Variants in CADM2 observed in about 807,000 individuals in gnomAD.
The protein encoded by CADM2 is immunoglobulin superfamily member 4D.
A neutral mutation model predicts 49.8 loss-of-function variants in CADM2; 12 were observed. The ratio of observed to expected loss-of-function variants is 0.24; its 90% CI spans 0.15 to 0.39. The LOEUF is 0.39. CADM2 is among the 10% of genes least tolerant of loss of function. The probability of loss-of-function intolerance (pLI) is 1.00; values close to 1 mark genes in which losing one functional copy is unlikely to be tolerated. For missense variants in CADM2, 378 were observed against 492.3 expected, an observed-to-expected ratio of 0.77 and a Z score of 2.20; for synonymous variants, 214 against 175.4, an observed-to-expected ratio of 1.22 and a Z score of -1.74.
chr3:85,444,568 A>G lies in CADM2; in HGVS notation c.62-281954A>G, dbSNP rs75700136. ...CACTTCTTCAACTCTTTAAAATAAC[A>G]TTTTGTAAATAGAGCTTTCGTGACC... On this transcript the variant is annotated intron_variant, in intron 1 of 9. Transcript: ENST00000383699. 2.9e-3 allele frequency among the ~76,000 whole-genome samples: 442 copies of G among 152,084 alleles called. 4 individuals carry two copies. The highest frequency in any genetic ancestry group is 0.01 in the African/African-American group (429 of 41,476).
At chr3:85,339,542 CT>C (rs138376083) in intron 1 of CADM2, among the ~76,000 whole-genome samples, 10,270 of 150,634 alleles carry the variant, frequency 0.068, 652 homozygotes, top group African/African-American at 0.16. Context: ...TTTTTTTCTC[CT>C]TTTTTTTCTT....
chr3:85,762,057 A>G lies in CADM2; in HGVS notation c.88+35509A>G, dbSNP rs577941445. Among the ~76,000 whole-genome samples, 21 of 152,260 alleles carry G rather than the reference A, an allele frequency of 1.4e-4. No individual in the cohort carries two copies. In the South Asian group the frequency reaches 2.5e-3, roughly 18 times the overall value. Reference sequence around the variant, plus strand: ...TAAATGAAAGGAGGAAGAATAATTTATTGGGGTTAGAAAGATTTTTCAAAT... The same window carrying G: ...TAAATGAAAGGAGGAAGAATAATTTGTTGGGGTTAGAAAGATTTTTCAAAT... On this transcript the variant is annotated intron_variant, in intron 2 of 9. Transcript: ENST00000383699.
At chr3:85,356,046 T>C (rs2031827853) in intron 1 of CADM2, among the ~76,000 whole-genome samples, 1 of 152,136 alleles carries the variant, frequency 6.6e-6, no homozygotes, top group Non-Finnish European at 1.5e-5. Context: ...AAACGAATAC[T>C]ACTGGGACAT....
chr3:85,526,215 C>A (rs1470635), intron 1 of CADM2, among the ~76,000 whole-genome samples: 1 of 151,846 alleles, frequency 6.6e-6, no homozygotes, highest in Non-Finnish European at 1.5e-5. Context: ...TATTTCCTTA[C>A]AACAAGTGTT....
At chr3:85,096,688 A>G (rs886994367) in intron 1 of CADM2, among the ~76,000 whole-genome samples, 1 of 152,220 alleles carries the variant, frequency 6.6e-6, no homozygotes, top group South Asian at 2.1e-4. Flanking sequence ...ATAGAGGTGA[A>G]GAATTCCCAG....
chr3:85,095,685 T>C (rs771940306), intron 1 of CADM2, among the ~76,000 whole-genome samples: 1 of 152,136 alleles, frequency 6.6e-6, no homozygotes, highest in Non-Finnish European at 1.5e-5. Context: ...GGCCCAAACA[T>C]TTTGTTTGAA....
At chr3:85,949,770 A>G (rs555149377) in intron 7 of CADM2, among the ~76,000 whole-genome samples, 1 of 151,268 alleles carries the variant, frequency 6.6e-6, no homozygotes, top group East Asian at 1.9e-4. Context: ...GCAGTAGTAT[A>G]ATGATAACAC....
chr3:85,743,785 C>A (rs184075699), intron 2 of CADM2, among the ~76,000 whole-genome samples: 1 of 151,832 alleles, frequency 6.6e-6, no homozygotes, highest in African/African-American at 2.4e-5. Flanking sequence ...AAAAGAGATT[C>A]TAAAGTATTT....
intron 3 of CADM2, among the ~76,000 whole-genome samples, chr3:85,802,517 T>G (rs902609837): frequency 6.6e-6 from 1 of 152,146 alleles, no homozygotes; most frequent in Non-Finnish European, 1.5e-5. Flanking sequence ...AGTTTTTTTC[T>G]TTCTCCTGAT....
At chr3:85,641,651 G>A (rs1457598402) in intron 1 of CADM2, among the ~76,000 whole-genome samples, 2 of 152,102 alleles carry the variant, frequency 1.3e-5, no homozygotes, top group African/African-American at 4.8e-5. Context: ...AATGGGCCGG[G>A]CACGGTGGCT....
At chr3:85,269,578 A>G (rs1056537328) in intron 1 of CADM2, among the ~76,000 whole-genome samples, 1 of 151,346 alleles carries the variant, frequency 6.6e-6, no homozygotes, top group Non-Finnish European at 1.5e-5. Flanking sequence ...AATTTTATAA[A>G]CAGATATTTG....
Position 84,963,220 on chromosome 3 carries a change from G to C in CADM2, c.61+3552G>C, listed in dbSNP as rs559662303. 7.2e-5 allele frequency among the ~76,000 whole-genome samples: 11 copies of C among 152,190 alleles called. No homozygotes were observed. The South Asian group carries it at 1.0e-3, about 14-fold the overall frequency. On this transcript the variant is annotated intron_variant, in intron 1 of 9. Coordinates refer to ENST00000383699, the MANE Select transcript of CADM2 (RefSeq NM_001167675.2). ...AGAAAGAGGAAAATCTGGAGTAAGC[G>C]CAAGGGACACATTACAGAAATGAAT...
At chr3:84,970,360 C>T (rs1259138160) in intron 1 of CADM2, among the ~76,000 whole-genome samples, 3 of 150,426 alleles carry the variant, frequency 2.0e-5, no homozygotes, top group Admixed American at 6.6e-5. Flanking sequence ...TTACTGGAAA[C>T]TCGAAACCAA....
intron 1 of CADM2, among the ~76,000 whole-genome samples, chr3:85,472,644 G>T: frequency 6.6e-6 from 1 of 151,958 alleles, no homozygotes; most frequent in South Asian, 2.1e-4. Flanking sequence ...GGATAATTTG[G>T]AACTGGTACC....
At chr3:85,633,920 C>T (rs1239271072) in intron 1 of CADM2, among the ~76,000 whole-genome samples, 1 of 151,892 alleles carries the variant, frequency 6.6e-6, no homozygotes, top group Admixed American at 6.6e-5. Context: ...GTCAATTCTG[C>T]CTATTTGACA....
chr3:85,580,567 C>A (rs930832416), intron 1 of CADM2, among the ~76,000 whole-genome samples: 4 of 152,164 alleles, frequency 2.6e-5, no homozygotes, highest in South Asian at 2.1e-4. Context: ...ATCAAATTTC[C>A]TTTTTCAAAT....
chr3:85,555,540 T>C (rs1014851459), intron 1 of CADM2, among the ~76,000 whole-genome samples: 10 of 152,280 alleles, frequency 6.6e-5, no homozygotes, highest in Middle Eastern at 6.8e-3. Flanking sequence ...TGTGAGGTGA[T>C]AATGCATAAA....
intron 5 of CADM2, among the ~76,000 whole-genome samples, chr3:85,901,765 A>G (rs755228729): frequency 2.0e-5 from 3 of 152,160 alleles, no homozygotes; most frequent in Non-Finnish European, 4.4e-5. Flanking sequence ...ATGATTCTAC[A>G]AGAAGCCTGT....
chr3:85,741,863 G>T (rs1027299960), intron 2 of CADM2, among the ~76,000 whole-genome samples: 3 of 152,146 alleles, frequency 2.0e-5, no homozygotes, highest in African/African-American at 7.2e-5. Flanking sequence ...ACTTCACAGA[G>T]ACTATTGGAA....
Sources: allele counts gnomAD v4.1 joint callset (sites outside exome capture counted in the v4.1 genomes callset), GRCh38; gene constraint gnomAD v4.1.1; transcripts MANE v1.5; gene names NCBI Gene and HGNC (gene_info 2026-07-23, HGNC 2026-07-21).